LGMN: variants seen among roughly 807,000 people sequenced by gnomAD.
LGMN encodes the protein legumain.
A neutral mutation model predicts 56.8 loss-of-function variants in LGMN; 36 were observed. That is an observed-to-expected ratio of 0.63 (90% CI 0.49 to 0.84). The LOEUF (loss-of-function observed/expected upper bound fraction) is 0.84. Ranked by LOEUF, LGMN falls within the 40% of genes least tolerant of loss-of-function variation. The pLI is 0.00. For missense variants in LGMN, 446 were observed against 556.1 expected (o/e 0.80, Z 1.99); for synonymous variants, 199 against 210.1 (o/e 0.95, Z 0.46).
intron 1 of LGMN, among the ~76,000 whole-genome samples, chr14:92,746,067 C>T (rs1418348168): frequency 6.6e-6 from 1 of 152,154 alleles, no homozygotes; most frequent in Non-Finnish European, 1.5e-5. Flanking sequence ...ATGATCCGCC[C>T]GCCTCGGCCT....
intron 2 of LGMN, among the ~76,000 whole-genome samples, chr14:92,719,302 A>ACCACCGCCG (rs1890309853): frequency 4.6e-5 from 2 of 43,278 alleles, no homozygotes; most frequent in Middle Eastern, 8.9e-3. Context: ...CGCCGCCGCC[A>ACCACCGCCG]CCGCCGCCAC....
chr14:92,740,825 C>T (rs544640274), intron 1 of LGMN, among the ~76,000 whole-genome samples: 1 of 152,338 alleles, frequency 6.6e-6, no homozygotes, highest in African/African-American at 2.4e-5. Context: ...AAGTCCTCTG[C>T]TGTTCCCACT....
intron 1 of LGMN, among the ~76,000 whole-genome samples, chr14:92,744,152 CAAAAAGAAAAAAAAAAAG>C (rs1483962816): frequency 6.9e-6 from 1 of 145,880 alleles, no homozygotes. Flanking sequence ...GCTCTGTCTC[CAAAAAGAAAAAAAAAAAG>C]AAAAAGAAAA....
At chr14:92,742,122 C>T (rs1891580948) in intron 1 of LGMN, among the ~76,000 whole-genome samples, 1 of 151,672 alleles carries the variant, frequency 6.6e-6, no homozygotes, top group African/African-American at 2.4e-5. Flanking sequence ...AAAATGGCAC[C>T]TTAGTATACT....
chr14:92,711,094 A>G (rs1889742027), intron 10 of LGMN, among the ~76,000 whole-genome samples: 1 of 152,150 alleles, frequency 6.6e-6, no homozygotes, highest in Non-Finnish European at 1.5e-5. Flanking sequence ...CAGCAGCTTC[A>G]CTTAGGGCCC....
At chr14:92,704,736 A>G (rs1408719717) in intron 12 of LGMN, 29 bp from the exon 13 acceptor site, 1 of 1,571,144 alleles carries the variant, frequency 6.4e-7, no homozygotes. Flanking sequence ...GAAGAATGAA[A>G]CTTCCTCATC....
intron 2 of LGMN, among the ~76,000 whole-genome samples, chr14:92,719,690 A>G (rs1340430610): frequency 6.6e-6 from 1 of 152,242 alleles, no homozygotes; most frequent in East Asian, 1.9e-4. Flanking sequence ...AAAAAATAAC[A>G]AGAATACAAA....
At position 92,704,649 on chromosome 14, in the gene LGMN, G is replaced by A. The variant is rs61734480; in HGVS notation, c.1250C>T (p.Pro417Leu). ...CCGCTGCATTAGTTACCTGTGAAGC[G>A]GATACGGCTTCTCACAAAGGTTGAC... The part of the protein sequence containing the change: ...VLVNLCEKPY[P>L]LHRIKLSMDH... Residue 417 changes from proline (P) to leucine (L), a missense_variant, in exon 13 of 14, where the codon CCG becomes CTG. By Grantham distance (98) the Pro-to-Leu change is moderately conservative. Coordinates refer to ENST00000334869, the MANE Select transcript of LGMN (RefSeq NM_005606.7). The A allele has an allele frequency of 2.7e-4, 437 of 1,612,490 alleles. No homozygotes were observed. In the African/African-American group the frequency reaches 4.0e-3, roughly 15 times the overall value.
At chr14:92,745,855 C>T (rs1891792592) in intron 1 of LGMN, among the ~76,000 whole-genome samples, 1 of 151,986 alleles carries the variant, frequency 6.6e-6, no homozygotes, top group African/African-American at 2.4e-5. Flanking sequence ...TGGCATGTCC[C>T]TCTCTGGCCA....
At chr14:92,728,937 C>T (rs1420558122) in intron 2 of LGMN, among the ~76,000 whole-genome samples, 1 of 152,086 alleles carries the variant, frequency 6.6e-6, no homozygotes, top group Non-Finnish European at 1.5e-5. Flanking sequence ...GGAACTGAGC[C>T]CTGCACACAG....
chr14:92,706,618 G>C lies in LGMN; in HGVS notation c.1056C>G (p.Ile352Met). ...RHLIEKSVRKIVSLLAASEAE... is the reference protein window; with the variant it reads ...RHLIEKSVRKMVSLLAASEAE... ...CCTCGGACGCTGCCAGCAAGGAGACGATCTTACGCACTGACTTCTCAATGA... is the reference window on the plus strand; with the variant it reads ...CCTCGGACGCTGCCAGCAAGGAGACCATCTTACGCACTGACTTCTCAATGA... The change falls in exon 12 of 14, where the codon ATC becomes ATG. Residue 352 changes from isoleucine (I) to methionine (M), a missense_variant. Ile to Met is a conservative substitution (Grantham distance 10). Coordinates refer to ENST00000334869, the MANE Select transcript of LGMN (RefSeq NM_005606.7). The C allele has an allele frequency of 6.2e-7, 1 of 1,600,654 alleles. No individual in the cohort carries two copies. The highest frequency in any genetic ancestry group is 1.1e-5 in the South Asian group (1 of 90,442).
chr14:92,745,131 C>T (rs780756374), intron 1 of LGMN, among the ~76,000 whole-genome samples: 5 of 151,942 alleles, frequency 3.3e-5, no homozygotes, highest in Non-Finnish European at 5.9e-5. Flanking sequence ...GACCCAGTCT[C>T]TACAAAAAAC....
intron 1 of LGMN, among the ~76,000 whole-genome samples, chr14:92,746,828 A>G (rs962563043): frequency 2.6e-5 from 4 of 152,108 alleles, no homozygotes; most frequent in South Asian, 2.1e-4. Context: ...TGAGGTCAGC[A>G]GATCGAGACC....
intron 2 of LGMN, among the ~76,000 whole-genome samples, chr14:92,724,602 G>A (rs1890653996): frequency 6.6e-6 from 1 of 152,206 alleles, no homozygotes. Flanking sequence ...AAAGTCATAT[G>A]AGGTCATATT....
In LGMN at chr14:92,732,795, T is replaced by G. The variant is rs1891120201; in HGVS notation, c.-9A>C. 1 of 1,611,692 alleles carries G rather than the reference T, an allele frequency of 6.2e-7. No homozygotes were observed. The highest frequency in any genetic ancestry group is 1.1e-5 in the South Asian group (1 of 90,558). Reference sequence around the variant, plus strand: ...GCTACTTTCCAAACCATTCTGCACCTTGGAGTTCAATTGCAGACACCTGAG... The same window carrying G: ...GCTACTTTCCAAACCATTCTGCACCGTGGAGTTCAATTGCAGACACCTGAG... On this transcript the variant is annotated 5_prime_UTR_variant, in exon 2 of 14. Coordinates refer to ENST00000334869, the MANE Select transcript of LGMN (RefSeq NM_005606.7).
At chr14:92,718,681 C>T (rs1890195177) in intron 3 of LGMN, 66 bp downstream of exon 3, 11 of 1,029,620 alleles carry the variant, frequency 1.1e-5, no homozygotes, top group Non-Finnish European at 1.5e-5. Context: ...TCCTGTGAGT[C>T]TATGTGACCT....
chr14:92,705,460 C>T (rs1889381034), intron 12 of LGMN, among the ~76,000 whole-genome samples: 1 of 151,904 alleles, frequency 6.6e-6, no homozygotes, highest in Non-Finnish European at 1.5e-5. Flanking sequence ...TGAGATCACA[C>T]CACTGCACTC....
At chr14:92,713,198 G>A (rs1308010652) in intron 7 of LGMN, among the ~76,000 whole-genome samples, 5 of 152,056 alleles carry the variant, frequency 3.3e-5, no homozygotes, top group Non-Finnish European at 5.9e-5. Context: ...ATCTTTCTGC[G>A]TTACTGTCAC....
At chr14:92,743,675 C>T (rs552486996) in intron 1 of LGMN, among the ~76,000 whole-genome samples, 87 of 152,120 alleles carry the variant, frequency 5.7e-4, no homozygotes, top group African/African-American at 1.9e-3. Context: ...GTAGCATGCA[C>T]CTGTAATCCC....
Sources: allele counts gnomAD v4.1 joint callset (sites outside exome capture counted in the v4.1 genomes callset), GRCh38; gene constraint gnomAD v4.1.1; transcripts MANE v1.5; gene names NCBI Gene and HGNC (gene_info 2026-07-23, HGNC 2026-07-21).